The following INTS1 variants were observed in gnomAD, a reference collection of about 807,000 sequenced individuals.
INTS1 encodes integrator complex subunit 1.
INTS1 carries 137 observed loss-of-function variants against 241.6 expected under a neutral mutation model. The observed-to-expected ratio is 0.57, with a 90% confidence interval of 0.49 to 0.65. The LOEUF (loss-of-function observed/expected upper bound fraction) is 0.65, where lower values mean the gene tolerates loss of function less well. Among genes scored for constraint, INTS1 ranks in the 30% least tolerant of loss-of-function variants. INTS1 has a pLI of 0.00. For missense variants in INTS1, 3,073 were observed against 3,032.2 expected (o/e 1.01, Z -0.32); for synonymous variants, 1,692 against 1,337.8 (o/e 1.26, Z -5.78).
At chr7:1,496,696 G>A (rs949162361) in intron 11 of INTS1, among the ~76,000 whole-genome samples, 36 of 152,130 alleles carry the variant, frequency 2.4e-4, no homozygotes, top group Non-Finnish European at 4.3e-4. Flanking sequence ...ACAAAGCCCC[G>A]TCCGCAAAAC....
chr7:1,480,667 A>C (rs1781949955), intron 29 of INTS1, among the ~76,000 whole-genome samples, 168 bp downstream of exon 29: 1 of 152,160 alleles, frequency 6.6e-6, no homozygotes. Flanking sequence ...ATGCTGCCCA[A>C]AGACAGGCTG....
Position 1,499,007 on chromosome 7 carries a change from G to C in INTS1, c.1105C>G (p.Gln369Glu). 1 of 1,531,344 alleles carries C rather than the reference G, an allele frequency of 6.5e-7. No individual in the cohort carries two copies. Among genetic ancestry groups the C allele is most frequent in the Non-Finnish European group, 8.8e-7 (1 of 1,142,136 alleles). 94.9% of individuals were successfully genotyped at this position (1,531,344 alleles called of 1,614,324 possible). A position where few individuals can be genotyped will look rare whatever the true frequency, so the allele number is the denominator to read the frequency against. Residue 369 changes from glutamine (Q) to glutamate (E), a missense_variant, in exon 8 of 48, where the codon CAG becomes GAG. Coordinates refer to ENST00000404767, the MANE Select transcript of INTS1 (RefSeq NM_001080453.3). ...TTCTGCAGCCACATCTCCAGCTTCT[G>C]CACCGCCAGCAGCCGCACCTCCTTA... ...GYKEVRLLAV[Q>E]KLEMWLQNPK...
chr7:1,485,140 G>C lies in INTS1; in HGVS notation c.3219C>G (p.His1073Gln). ...GCTGGGCCTGCTCCTCCACAGGCGTGTGCTGGGACAAGTAGATCAGGTAGG... is the reference window on the plus strand; with the variant it reads ...GCTGGGCCTGCTCCTCCACAGGCGTCTGCTGGGACAAGTAGATCAGGTAGG... ...ISAYLIYLSQ[H>Q]TPVEEQAQHS... is the part of the protein sequence containing the mutation. Residue 1073 changes from histidine to glutamine, a missense_variant, in exon 24 of 48, where the codon CAC becomes CAG. Physicochemically the swap from His to Gln is conservative, Grantham distance 24. Coordinates refer to ENST00000404767, the MANE Select transcript of INTS1 (RefSeq NM_001080453.3). The C allele has an allele frequency of 6.2e-7, 1 of 1,601,264 alleles. No homozygotes were observed. Among genetic ancestry groups the C allele is most frequent in the Non-Finnish European group, 8.5e-7 (1 of 1,179,622 alleles).
chr7:1,486,577 A>G (rs1178895890), intron 22 of INTS1, 48 bp downstream of exon 22: 10 of 1,576,376 alleles, frequency 6.3e-6, no homozygotes, highest in South Asian at 5.8e-5. Flanking sequence ...CAGCCTACTC[A>G]TTTTAAACAT....
intron 33 of INTS1, among the ~76,000 whole-genome samples, 189 bp from the exon 34 acceptor site, chr7:1,478,125 G>A (rs1294775269): frequency 2.6e-5 from 4 of 151,640 alleles, no homozygotes; most frequent in East Asian, 3.9e-4. Context: ...TGGAGAGTGC[G>A]GCCGGGGCCG....
rs567625941 is a variant in INTS1, at chr7:1,495,065, C to T, written c.1833-172G>A. On this transcript the variant is annotated intron_variant, in intron 13 of 47. Transcript: ENST00000404767. ...ACCACCAAAGAACCCAGGGACCACT[C>T]ACGGGGCTGCCAGGCTGCACAGCGG... 2.6e-5 allele frequency among the ~76,000 whole-genome samples: 4 copies of T among 152,286 alleles called. No homozygotes were observed. In the South Asian group the frequency reaches 8.3e-4, roughly 32 times the overall value.
At position 1,481,398 on chromosome 7, in the gene INTS1, AG is replaced by A; in HGVS notation, c.3793del (p.Leu1265TrpfsTer68). 1.2e-6 allele frequency: 2 copies of A among 1,612,622 alleles called. No homozygotes were observed. The highest frequency in any genetic ancestry group is 1.7e-6 in the Non-Finnish European group (2 of 1,179,524). Reference sequence around the variant, plus strand: ...GGGGTCGTGGGCCACTGCCTGGTCCAGGAACTGGAGGAGTTTGCTCATGCTG... The same window carrying A: ...GGGGTCGTGGGCCACTGCCTGGTCCAGAACTGGAGGAGTTTGCTCATGCTG... ...VSSMSKLLQF[L>X]DQAVAHDPQT... On this transcript the variant is annotated frameshift_variant, in exon 28 of 48. Transcript: ENST00000404767. LOFTEE classifies it high-confidence loss of function. The surrounding 1 kb of genome is among the most constrained non-coding windows in gnomAD (Gnocchi z 6.8).
chr7:1,479,863 A>G (rs1350107460), intron 30 of INTS1, among the ~76,000 whole-genome samples, 179 bp from the exon 31 acceptor site: 1 of 152,192 alleles, frequency 6.6e-6, no homozygotes, highest in Non-Finnish European at 1.5e-5. Context: ...TGTGATGTGA[A>G]GCAGTGAGGG....
At chr7:1,479,743 G>A (rs1000617270) in intron 30 of INTS1, 59 bp from the exon 31 acceptor site, 56 of 1,428,824 alleles carry the variant, frequency 3.9e-5, no homozygotes, top group African/African-American at 3.0e-4. Flanking sequence ...GGAGCGCAGC[G>A]GAGAGGCTAA....
At position 1,480,761 on chromosome 7, in the gene INTS1, C is replaced by A; in HGVS notation, c.3949+74G>T. Reference sequence around the variant, plus strand: ...GCTGTGCAGGCCCCGTCCCCCTCCCCAGGCTGGGTCTCTGTGTTGGCCCCA... The same window carrying A: ...GCTGTGCAGGCCCCGTCCCCCTCCCAAGGCTGGGTCTCTGTGTTGGCCCCA... On this transcript the variant is annotated intron_variant, in intron 29 of 47. Transcript: ENST00000404767. The A allele has an allele frequency of 3.2e-6, 4 of 1,241,538 alleles. No homozygotes were observed. The South Asian group carries it at 5.4e-5, about 17-fold the overall frequency. The allele number at this position is 1,241,538 out of a possible 1,614,324, so 76.9% of individuals were successfully genotyped here.
rs149220948 is a variant in INTS1 at position 1,479,769 on chromosome 7, C to G, written c.4075-85G>C. ...GAGAGGCTAAGCGCCCGGTGCAGCTCCGTGCCAGAACCGCGTCCCATCGTG... is the reference window on the plus strand; with the variant it reads ...GAGAGGCTAAGCGCCCGGTGCAGCTGCGTGCCAGAACCGCGTCCCATCGTG... On this transcript the variant is annotated intron_variant, in intron 30 of 47. Coordinates refer to ENST00000404767, the MANE Select transcript of INTS1 (RefSeq NM_001080453.3). 6.6e-6 allele frequency: 9 copies of G among 1,368,620 alleles called. No homozygotes were observed. In the East Asian group the frequency reaches 7.9e-5, roughly 12 times the overall value. 84.8% of individuals were successfully genotyped at this position (1,368,620 alleles called of 1,614,324 possible). A position where few individuals can be genotyped will look rare whatever the true frequency, so the allele number is the denominator to read the frequency against.
At position 1,501,475 on chromosome 7, in the gene INTS1, C is replaced by T. The variant is rs564114186; in HGVS notation, c.350-1109G>A. 3.9e-5 allele frequency among the ~76,000 whole-genome samples: 6 copies of T among 152,172 alleles called. No individual in the cohort carries two copies. The East Asian group carries it at 1.2e-3, about 30-fold the overall frequency. On this transcript the variant is annotated intron_variant, in intron 3 of 47. Transcript: ENST00000404767. ...GAGGGACAGCCTGGGACATTTACCA[C>T]AAATGGCTGGATGCAGCCATCTCTC...
intron 5 of INTS1, 51 bp from the exon 6 acceptor site, chr7:1,499,683 G>A: frequency 6.4e-7 from 1 of 1,552,680 alleles, no homozygotes; most frequent in Non-Finnish European, 8.7e-7. Context: ...CAGCAGCCAG[G>A]TTGGGGAACA....
At chr7:1,494,312 A>T (rs1328027910) in intron 14 of INTS1, 9 of 262,216 alleles carry the variant, frequency 3.4e-5, no homozygotes, top group East Asian at 2.8e-4. Flanking sequence ...GAAGGTGAAC[A>T]GAGCGCCCAG....
At chr7:1,477,994 G>C (rs1781803672) in intron 33 of INTS1, 58 bp from the exon 34 acceptor site, 2 of 1,448,394 alleles carry the variant, frequency 1.4e-6, no homozygotes, top group African/African-American at 2.8e-5. Flanking sequence ...GGGCCGCTGA[G>C]TGGGTGTGGG....
chr7:1,475,752 C>T (rs1584260155), intron 39 of INTS1, among the ~76,000 whole-genome samples, 196 bp downstream of exon 39: 1 of 152,240 alleles, frequency 6.6e-6, no homozygotes, highest in African/African-American at 2.4e-5. Flanking sequence ...CCAGACTGTG[C>T]GAGCAGAGCA....
At chr7:1,474,411 C>A in intron 40 of INTS1, 51 bp from the exon 41 acceptor site, 2 of 1,510,100 alleles carry the variant, frequency 1.3e-6, no homozygotes, top group Non-Finnish European at 1.8e-6. Context: ...GCTCACCTGG[C>A]GCACGTCCCC....
In INTS1 at chr7:1,503,100, AGGGGCTGGCTTCAGCAGGGTGGAC is replaced by A; in HGVS notation, c.126_149del (p.Thr44_Ser51del). ...GCTTGCGCTCAGAAGGCAGGCCGGAAGGGGCTGGCTTCAGCAGGGTGGACGCCGTTTTCGATTCATTGGCCTGAC... is the reference window on the plus strand; with the variant it reads ...GCTTGCGCTCAGAAGGCAGGCCGGAAGCCGTTTTCGATTCATTGGCCTGAC... On this transcript the variant is annotated inframe_deletion, in exon 3 of 48. Transcript: ENST00000404767. 6.2e-7 allele frequency: 1 copy of A among 1,610,628 alleles called. No individual in the cohort carries two copies. Among genetic ancestry groups the A allele is most frequent in the Non-Finnish European group, 8.5e-7 (1 of 1,177,434 alleles).
rs772612611 is a variant in INTS1 at position 1,487,974 on chromosome 7, G to C, written c.2319-17C>G. 6.2e-7 allele frequency: 1 copy of C among 1,611,998 alleles called. No individual in the cohort carries two copies. Among genetic ancestry groups the C allele is most frequent in the Non-Finnish European group, 8.5e-7 (1 of 1,179,112 alleles). ...GAGTAGTTGCTAGGGCCAGACGGGGGAGCGTGTCACCCTGCCCCCCATGAA... is the reference window on the plus strand; with the variant it reads ...GAGTAGTTGCTAGGGCCAGACGGGGCAGCGTGTCACCCTGCCCCCCATGAA... On this transcript the variant is annotated splice_polypyrimidine_tract_variant and intron_variant, in intron 18 of 47. Coordinates refer to ENST00000404767, the MANE Select transcript of INTS1 (RefSeq NM_001080453.3).
Sources: allele counts gnomAD v4.1 joint callset (sites outside exome capture counted in the v4.1 genomes callset), GRCh38; gene constraint gnomAD v4.1.1; non-coding constraint Gnocchi (gnomAD v3.1); transcripts MANE v1.5; gene names NCBI Gene and HGNC (gene_info 2026-07-23, HGNC 2026-07-21).